The following ULK2 variants were observed in gnomAD, a reference collection of about 807,000 sequenced individuals.
ULK2 encodes serine/threonine-protein kinase ULK2.
ULK2 carries 76 observed loss-of-function variants against 127.5 expected under a neutral mutation model. The observed-to-expected ratio is 0.60, with a 90% CI of 0.50 to 0.72. The LOEUF (loss-of-function observed/expected upper bound fraction) is 0.72. Ranked by LOEUF, ULK2 falls within the 30% of genes least tolerant of loss-of-function variation. ULK2 has a pLI of 0.00. For synonymous variants in ULK2, 452 were observed against 461.9 expected (o/e 0.98, Z 0.28); for missense variants, 1,144 against 1,295.9 (o/e 0.88, Z 1.80).
rs763814792 is a variant in ULK2 at position 19,771,403 on chromosome 17, G to A, written c.*4946C>T. 2 of 152,370 alleles carry A rather than the reference G, an allele frequency of 1.3e-5. No homozygotes were observed. The highest frequency in any genetic ancestry group is 4.8e-5 in the African/African-American group (2 of 41,590). 9.4% of individuals were successfully genotyped at this position (152,370 alleles called of 1,614,324 possible). A position where few individuals can be genotyped will look rare whatever the true frequency, so the allele number is the denominator to read the frequency against. ...CAGACTGCCTGGTGGGCAAGCTGGA[G>A]AAAGCAACTTCTATGCAAGAACTGT... is the stretch of plus-strand genomic sequence containing the variant. On this transcript the variant is annotated 3_prime_UTR_variant, in exon 27 of 27. Coordinates refer to ENST00000395544, the MANE Select transcript of ULK2 (RefSeq NM_014683.4).
At chr17:19,856,568 C>G (rs1267924286) in intron 3 of ULK2, among the ~76,000 whole-genome samples, 1 of 151,130 alleles carries the variant, frequency 6.6e-6, no homozygotes, top group Non-Finnish European at 1.5e-5. Context: ...GGCGACAGAG[C>G]GAGACTCCGT....
chr17:19,818,797 C>CTTTTTTTTTTTTTTTTT (rs71157835), intron 12 of ULK2, among the ~76,000 whole-genome samples: 15 of 77,758 alleles, frequency 1.9e-4, no homozygotes, highest in South Asian at 9.7e-4. Context: ...TTTCTTTTTT[C>CTTTTTTTTTTTTTTTTT]TTTTTTTTTT....
chr17:19,822,175 AG>A (rs1415169846), intron 12 of ULK2, among the ~76,000 whole-genome samples: 1 of 145,942 alleles, frequency 6.9e-6, no homozygotes, highest in Non-Finnish European at 1.5e-5. Context: ...TAGTAGAGAC[AG>A]GTTTTCACCA....
At chr17:19,799,457 C>T (rs1236079059) in intron 17 of ULK2, 38 bp downstream of exon 17, 6 of 1,441,234 alleles carry the variant, frequency 4.2e-6, no homozygotes, top group African/African-American at 1.5e-5. Context: ...ATTTATAATA[C>T]AATTCAAATT....
intron 18 of ULK2, among the ~76,000 whole-genome samples, chr17:19,796,665 A>C (rs1050905312): frequency 1.4e-4 from 22 of 152,326 alleles, no homozygotes; most frequent in Admixed American, 1.4e-3. Flanking sequence ...AAATGCCTGC[A>C]GCACCAGCAT....
chr17:19,867,214 T>G (rs930624201), intron 1 of ULK2, 114 bp downstream of exon 1: 6 of 764,148 alleles, frequency 7.9e-6, no homozygotes, highest in Non-Finnish European at 9.7e-6. Context: ...CACAATAGCA[T>G]ACCCGGGCGG....
intron 3 of ULK2, 128 bp downstream of exon 3, chr17:19,864,675 T>A (rs1411143570): frequency 1.2e-5 from 4 of 338,332 alleles, no homozygotes; most frequent in African/African-American, 8.4e-5. Flanking sequence ...TTCAGAAACA[T>A]GTAACTCAAG....
At chr17:19,814,046 A>G (rs1326942695) in intron 13 of ULK2, among the ~76,000 whole-genome samples, 1 of 152,164 alleles carries the variant, frequency 6.6e-6, no homozygotes, top group African/African-American at 2.4e-5. Flanking sequence ...GACCACACAC[A>G]CATACTGACA....
chr17:19,780,853 A>T, intron 24 of ULK2, 133 bp downstream of exon 24: 1 of 1,001,694 alleles, frequency 1.0e-6, no homozygotes, highest in Non-Finnish European at 1.5e-6. Flanking sequence ...CTAACAACCC[A>T]GCATCTTTTC....
intron 3 of ULK2, among the ~76,000 whole-genome samples, chr17:19,853,908 G>A (rs2042071433): frequency 6.6e-6 from 1 of 152,196 alleles, no homozygotes; most frequent in South Asian, 2.1e-4. Flanking sequence ...ATGAGTGATA[G>A]GATTTCAACA....
intron 14 of ULK2, among the ~76,000 whole-genome samples, chr17:19,808,460 T>C (rs901742316): frequency 7.9e-5 from 12 of 152,288 alleles, no homozygotes; most frequent in African/African-American, 2.6e-4. Context: ...AAAATGTTCA[T>C]GTATCAAAGG....
intron 13 of ULK2, among the ~76,000 whole-genome samples, chr17:19,812,383 A>C (rs947755637): frequency 6.6e-6 from 1 of 152,220 alleles, no homozygotes; most frequent in Admixed American, 6.5e-5. Context: ...CCTCAACCTA[A>C]GATGGTGTCA....
chr17:19,780,632 G>A lies in ULK2; in HGVS notation c.2759-3C>T. The A allele has an allele frequency of 2.5e-6, 4 of 1,589,542 alleles. No homozygotes were observed. Among genetic ancestry groups the A allele is most frequent in the Admixed American group, 1.8e-5 (1 of 54,394 alleles). ...TCGTTCGTTCAGATTCTTGACAACT[G>A]AAAAAAAATTGAGATGGGAACTAAT... On this transcript the variant is annotated splice_polypyrimidine_tract_variant and splice_region_variant and intron_variant, in intron 24 of 26. Transcript: ENST00000395544.
chr17:19,848,969 C>T (rs988251110), intron 5 of ULK2, among the ~76,000 whole-genome samples: 1 of 151,850 alleles, frequency 6.6e-6, no homozygotes, highest in African/African-American at 2.4e-5. Flanking sequence ...TTTTTAATTA[C>T]AAGAAATATT....
intron 11 of ULK2, 84 bp downstream of exon 11, chr17:19,826,053 AAG>A: frequency 1.8e-6 from 1 of 551,294 alleles, no homozygotes; most frequent in African/African-American, 1.9e-5. Context: ...GTCACAATAA[AAG>A]ATGAATTTTG....
At chr17:19,841,628 T>C in intron 8 of ULK2, 81 bp from the exon 9 acceptor site, 1 of 1,109,684 alleles carries the variant, frequency 9.0e-7, no homozygotes, top group Non-Finnish European at 1.3e-6. Context: ...CATATGCTTT[T>C]TTTTTAAGGG....
At chr17:19,834,420 T>C (rs2041540099) in intron 10 of ULK2, among the ~76,000 whole-genome samples, 1 of 151,926 alleles carries the variant, frequency 6.6e-6, no homozygotes, top group African/African-American at 2.4e-5. Flanking sequence ...TATTGGGCTT[T>C]GTAACATACA....
chr17:19,847,634 C>T (rs1396344879), intron 5 of ULK2, among the ~76,000 whole-genome samples: 1 of 152,178 alleles, frequency 6.6e-6, no homozygotes, highest in Non-Finnish European at 1.5e-5. Context: ...ACTGCAACCT[C>T]CGCCTCCCGG....
chr17:19,795,711 C>A lies in ULK2; in HGVS notation c.2012G>T (p.Gly671Val), dbSNP rs749402902. 10 of 1,613,766 alleles carry A rather than the reference C, an allele frequency of 6.2e-6. No individual in the cohort carries two copies. Among genetic ancestry groups the A allele is most frequent in the Middle Eastern group, 1.7e-4 (1 of 6,060 alleles). Reference protein sequence around the residue: ...KAVFGRSVSTGKLSDQQGKTP... With the variant: ...KAVFGRSVSTVKLSDQQGKTP... ...CTTTCCTTGTTGATCTGATAACTTC[C>A]CGGTACTGACAGATCTAAAAAGAAT... The change falls in exon 20 of 27, where the codon GGG (glycine) becomes GTG (valine). Residue 671 changes from glycine to valine, a missense_variant. Gly to Val is a moderately radical substitution (Grantham distance 109). This residue lies in a region of ULK2 where 913 missense variants were observed against 970.5 expected (regional missense o/e 0.94). Transcript: ENST00000395544.
Sources: allele counts gnomAD v4.1 joint callset (sites outside exome capture counted in the v4.1 genomes callset), GRCh38; gene constraint gnomAD v4.1.1; regional missense constraint gnomAD v4.1.1; transcripts MANE v1.5; gene names NCBI Gene and HGNC (gene_info 2026-07-23, HGNC 2026-07-21).